Variants in RGS6 observed in about 807,000 individuals in gnomAD.
The protein encoded by RGS6 is regulator of G protein signaling 6, also known as regulator of G-protein signaling 6.
In RGS6, 30 loss-of-function variants were observed where a neutral mutation model predicts 78.5. The observed-to-expected ratio is 0.38, with a 90% CI of 0.29 to 0.52. The LOEUF is 0.52. Ranked by LOEUF, RGS6 falls within the 20% of genes least tolerant of loss-of-function variation. RGS6 has a pLI of 0.85. For missense variants in RGS6, 495 were observed against 609.7 expected, an observed-to-expected ratio of 0.81 and a Z score of 1.98; for synonymous variants, 206 against 206.0, an observed-to-expected ratio of 1.00 and a Z score of 0.00.
chr14:72,463,501 T>C (rs530772400), intron 6 of RGS6, among the ~76,000 whole-genome samples: 2 of 152,248 alleles, frequency 1.3e-5, no homozygotes, highest in Admixed American at 1.3e-4. Context: ...CCATCAGGAG[T>C]GGCCCCAGCT....
intron 2 of RGS6, among the ~76,000 whole-genome samples, chr14:72,210,907 C>G (rs2043969799): frequency 6.6e-6 from 1 of 152,122 alleles, no homozygotes; most frequent in African/African-American, 2.4e-5. Context: ...AAACTTTTGT[C>G]TGTATGTATC....
At chr14:72,449,450 G>A (rs999093593) in intron 3 of RGS6, among the ~76,000 whole-genome samples, 8 of 152,102 alleles carry the variant, frequency 5.3e-5, no homozygotes, top group African/African-American at 1.4e-4. Flanking sequence ...GATCTCCTGC[G>A]GTTCTGATGC....
chr14:72,136,083 C>A (rs2096434711), intron 2 of RGS6, among the ~76,000 whole-genome samples: 1 of 152,168 alleles, frequency 6.6e-6, no homozygotes, highest in Non-Finnish European at 1.5e-5. Flanking sequence ...TTTTCTGAAT[C>A]TTGCTTTGCT....
intron 2 of RGS6, among the ~76,000 whole-genome samples, chr14:72,157,636 T>G (rs1382635097): frequency 6.6e-6 from 1 of 152,182 alleles, no homozygotes; most frequent in East Asian, 1.9e-4. Context: ...AACATTTTCC[T>G]GGAGGCAGTG....
At chr14:72,323,281 G>C (rs1567752542) in intron 2 of RGS6, among the ~76,000 whole-genome samples, 1 of 151,814 alleles carries the variant, frequency 6.6e-6, no homozygotes, top group Non-Finnish European at 1.5e-5. Flanking sequence ...TTTACAATAA[G>C]AATAAATTTA....
chr14:72,302,455 C>T (rs1023992106), intron 2 of RGS6, among the ~76,000 whole-genome samples: 1 of 152,194 alleles, frequency 6.6e-6, no homozygotes, highest in African/African-American at 2.4e-5. Context: ...GAACTCAGGG[C>T]AAAGTCTTGT....
chr14:72,602,687 GT>G, the RGS6 span, among the ~76,000 whole-genome samples: 2 of 152,344 alleles, frequency 1.3e-5, no homozygotes, highest in African/African-American at 4.8e-5. Context: ...CTTCCATTAT[GT>G]AATTGGAAAT....
chr14:72,289,850 A>G (rs758080501), intron 2 of RGS6, among the ~76,000 whole-genome samples: 3 of 152,200 alleles, frequency 2.0e-5, no homozygotes, highest in Admixed American at 6.5e-5. Context: ...ATCTAGGCAG[A>G]TGTTTAGTCA....
rs560000017 is a variant in RGS6, at chr14:72,319,667, G to A, written c.85-32428G>A. ...GAAGGGGGAAAATCATCACAGATAT[G>A]AAGATGATTTTGAAGCAGCCAAAGT... On this transcript the variant is annotated intron_variant, in intron 2 of 17. Coordinates refer to ENST00000553525, the MANE Select transcript of RGS6 (RefSeq NM_001204424.2). Among the ~76,000 whole-genome samples, 40 of 152,288 alleles carry A rather than the reference G, an allele frequency of 2.6e-4. 2 individuals carry two copies. In the South Asian group the frequency reaches 8.3e-3, roughly 32 times the overall value.
chr14:72,127,059 G>C (rs768986023), intron 2 of RGS6, among the ~76,000 whole-genome samples: 3 of 152,174 alleles, frequency 2.0e-5, no homozygotes, highest in Non-Finnish European at 4.4e-5. Context: ...CAAGTTAAAA[G>C]AGCAGTGTTA....
chr14:72,121,517 TCA>T (rs780542756), intron 2 of RGS6, among the ~76,000 whole-genome samples: 3 of 152,116 alleles, frequency 2.0e-5, no homozygotes, highest in Non-Finnish European at 4.4e-5. Context: ...CCATTAGGGA[TCA>T]CAGAGTGATC....
chr14:71,961,236 C>T (rs2093172475), intron 1 of RGS6, among the ~76,000 whole-genome samples: 1 of 152,098 alleles, frequency 6.6e-6, no homozygotes, highest in African/African-American at 2.4e-5. Flanking sequence ...TTGACAGAGA[C>T]ACGTGGCATG....
intron 2 of RGS6, among the ~76,000 whole-genome samples, chr14:72,208,628 T>C (rs1011573071): frequency 6.6e-5 from 10 of 152,150 alleles, no homozygotes; most frequent in African/African-American, 2.4e-4. Flanking sequence ...CTTGACTATA[T>C]TAGATGCAAG....
At chr14:72,056,345 T>C (rs1221634141) in intron 2 of RGS6, among the ~76,000 whole-genome samples, 2 of 152,186 alleles carry the variant, frequency 1.3e-5, no homozygotes, top group African/African-American at 2.4e-5. Context: ...ACATGTGTTA[T>C]CTTCTCTATA....
At chr14:72,555,646 T>TGAAG (rs1345543124) in intron 17 of RGS6, among the ~76,000 whole-genome samples, 3 of 152,182 alleles carry the variant, frequency 2.0e-5, no homozygotes, top group African/African-American at 4.8e-5. Flanking sequence ...GCATGGGTCG[T>TGAAG]GAAGGCCGAC....
At chr14:72,107,654 T>C (rs1287220018) in intron 2 of RGS6, among the ~76,000 whole-genome samples, 3 of 152,192 alleles carry the variant, frequency 2.0e-5, no homozygotes. Flanking sequence ...ATGTTATATG[T>C]ATTTAAATAT....
intron 17 of RGS6, among the ~76,000 whole-genome samples, chr14:72,560,347 G>C (rs530518974): frequency 6.6e-6 from 1 of 152,220 alleles, no homozygotes; most frequent in Non-Finnish European, 1.5e-5. Context: ...GTAACCGGGG[G>C]TAGGGGAGGT....
At chr14:72,556,379 G>GAAACC (rs1463629157) in intron 17 of RGS6, among the ~76,000 whole-genome samples, 1 of 152,048 alleles carries the variant, frequency 6.6e-6, no homozygotes, top group Non-Finnish European at 1.5e-5. Flanking sequence ...TAGCATGGGG[G>GAAACC]AAACCACCCC....
At chr14:71,881,726 A>T in the RGS6 span, among the ~76,000 whole-genome samples, 1 of 152,190 alleles carries the variant, frequency 6.6e-6, no homozygotes, top group African/African-American at 2.4e-5. Context: ...CTTTATCAGC[A>T]GTGTGAGAAT....
Sources: gnomAD v4.1 joint callset for allele counts (sites outside exome capture counted in the v4.1 genomes callset) on GRCh38, gnomAD v4.1.1 for gene constraint, MANE v1.5 for transcripts, NCBI Gene and HGNC (gene_info 2026-07-23, HGNC 2026-07-21) for gene names.